Variants in FAM120B observed in about 807,000 individuals in gnomAD.
FAM120B encodes the protein family with sequence similarity 120 member B, also known as constitutive coactivator of peroxisome proliferator-activated receptor gamma.
In FAM120B, 83 loss-of-function variants were observed where a neutral mutation model predicts 96.3. The observed-to-expected ratio is 0.86, with a 90% CI of 0.72 to 1.03. The LOEUF (loss-of-function observed/expected upper bound fraction) is 1.03. Ranked by LOEUF, FAM120B falls within the 50% of genes least tolerant of loss-of-function variation. The pLI is 0.00. For synonymous variants in FAM120B, 407 were observed against 402.7 expected (o/e 1.01, Z -0.13); for missense variants, 1,027 against 1,121.2 (o/e 0.92, Z 1.20).
chr6:170,403,443 AT>A (rs1453805631), intron 9 of FAM120B, among the ~76,000 whole-genome samples: 1 of 152,118 alleles, frequency 6.6e-6, no homozygotes, highest in Non-Finnish European at 1.5e-5. Flanking sequence ...GATAGGTAAA[AT>A]TTCTTGTGTT....
In FAM120B at chr6:170,384,775, A is replaced by G. The variant is rs1790100508; in HGVS notation, c.2284-3512A>G. ...CTGCTTTTGTGTGGGTCTGTGAGCTAAGAATGCTTTTTGGAGTTTTTAAAG... is the reference window on the plus strand; with the variant it reads ...CTGCTTTTGTGTGGGTCTGTGAGCTGAGAATGCTTTTTGGAGTTTTTAAAG... On this transcript the variant is annotated intron_variant, in intron 6 of 10. Transcript: ENST00000476287. Among the ~76,000 whole-genome samples, 3 of 152,346 alleles carry G rather than the reference A, an allele frequency of 2.0e-5. 1 individual carries two copies. The highest frequency in any genetic ancestry group is 4.1e-4 in the South Asian group (2 of 4,828).
intron 6 of FAM120B, among the ~76,000 whole-genome samples, chr6:170,383,569 G>A (rs1459004722): frequency 6.6e-6 from 1 of 152,148 alleles, no homozygotes; most frequent in African/African-American, 2.4e-5. Context: ...AACCATTAGG[G>A]AAATGCAAAT....
At chr6:170,319,305 C>A (rs769414071) in intron 2 of FAM120B, among the ~76,000 whole-genome samples, 181 bp downstream of exon 2, 3 of 152,212 alleles carry the variant, frequency 2.0e-5, no homozygotes, top group Non-Finnish European at 4.4e-5. Flanking sequence ...ATGTTGGATA[C>A]TGTCACATGA....
intron 4 of FAM120B, 58 bp downstream of exon 4, chr6:170,330,608 T>A: frequency 7.9e-7 from 1 of 1,267,554 alleles, no homozygotes; most frequent in Non-Finnish European, 1.1e-6. Flanking sequence ...GATAAAAGTC[T>A]AAGAATGCAT....
rs971741670 is a variant in FAM120B at position 170,370,825 on chromosome 6, G to A, written c.2283+12507G>A. Among the ~76,000 whole-genome samples, 3 of 152,048 alleles carry A rather than the reference G, an allele frequency of 2.0e-5. No individual in the cohort carries two copies. The highest frequency in any genetic ancestry group is 7.2e-5 in the African/African-American group (3 of 41,396). Reference sequence around the variant, plus strand: ...TATTCCTATTCTTCATTATGCTGAGGTCTCAGGATGGTTGTGCGTCTCTAA... The same window carrying A: ...TATTCCTATTCTTCATTATGCTGAGATCTCAGGATGGTTGTGCGTCTCTAA... On this transcript the variant is annotated intron_variant, in intron 6 of 10. Coordinates refer to ENST00000476287, the MANE Select transcript of FAM120B (RefSeq NM_032448.3). This position sits in a 1 kb window ranked among gnomAD's most constrained non-coding sequence, Gnocchi z 4.3.
At position 170,317,564 on chromosome 6, in the gene FAM120B, G is replaced by T; in HGVS notation, c.174G>T (p.Trp58Cys). 6.2e-7 allele frequency: 1 copy of T among 1,614,204 alleles called. No homozygotes were observed. Among genetic ancestry groups the T allele is most frequent in the Non-Finnish European group, 8.5e-7 (1 of 1,180,034 alleles). Residue 58 changes from tryptophan to cysteine, a missense_variant, in exon 2 of 11, where the codon TGG becomes TGT. By Grantham distance (215) the Trp-to-Cys change is radical. This residue lies in a region of FAM120B where 880 missense variants were observed against 980.9 expected (regional missense o/e 0.90). Transcript: ENST00000476287. ...GATATTGGTATACTCCAGAATCTTG[G>T]ATCTGCGGTGGCCAGTGGCGAGAAT... The part of the protein sequence containing the change: ...CLRYWYTPES[W>C]ICGGQWREYF...
chr6:170,338,847 T>C (rs1786619973), intron 4 of FAM120B, among the ~76,000 whole-genome samples: 2 of 148,710 alleles, frequency 1.3e-5, no homozygotes, highest in Admixed American at 1.3e-4. Context: ...CAACCTGCTT[T>C]TTTTTTTTTT....
At chr6:170,372,902 TAATA>T (rs1332169917) in intron 6 of FAM120B, among the ~76,000 whole-genome samples, 3 of 152,248 alleles carry the variant, frequency 2.0e-5, no homozygotes, top group Non-Finnish European at 4.4e-5. Context: ...TTTTGTTTAC[TAATA>T]AATAACAATG....
chr6:170,402,701 T>C (rs191967440), intron 9 of FAM120B, among the ~76,000 whole-genome samples: 1 of 152,334 alleles, frequency 6.6e-6, no homozygotes, highest in East Asian at 1.9e-4. Flanking sequence ...GGTTCCCTTC[T>C]CACCACCTAC....
At chr6:170,346,401 A>G (rs1267105388) in intron 4 of FAM120B, among the ~76,000 whole-genome samples, 1 of 152,102 alleles carries the variant, frequency 6.6e-6, no homozygotes, top group Non-Finnish European at 1.5e-5. Flanking sequence ...TCTTCTTTAT[A>G]CTTTCCTGTC....
chr6:170,342,678 A>G (rs1786914464), intron 4 of FAM120B, among the ~76,000 whole-genome samples: 1 of 152,180 alleles, frequency 6.6e-6, no homozygotes, highest in Non-Finnish European at 1.5e-5. Flanking sequence ...CCTCCTGAAA[A>G]GACCCTGAGG....
intron 9 of FAM120B, among the ~76,000 whole-genome samples, chr6:170,399,200 G>A (rs1309766392): frequency 2.3e-4 from 34 of 147,066 alleles, no homozygotes; most frequent in Non-Finnish European, 6.0e-5. Context: ...ATAACTCTTA[G>A]AAGTGAGTGG....
chr6:170,297,461 T>C (rs1332513017), intron 1 of FAM120B, among the ~76,000 whole-genome samples: 1 of 152,192 alleles, frequency 6.6e-6, no homozygotes, highest in Non-Finnish European at 1.5e-5. Flanking sequence ...AGTCACTAAA[T>C]ATATTAATCT....
At chr6:170,315,181 G>T (rs1354765794) in intron 1 of FAM120B, among the ~76,000 whole-genome samples, 1 of 152,216 alleles carries the variant, frequency 6.6e-6, no homozygotes, top group South Asian at 2.1e-4. Flanking sequence ...TTCCCTCACA[G>T]CGTAGAAATC....
At chr6:170,379,704 T>G (rs904844030) in intron 6 of FAM120B, among the ~76,000 whole-genome samples, 2 of 152,250 alleles carry the variant, frequency 1.3e-5, no homozygotes, top group African/African-American at 4.8e-5. Flanking sequence ...AATTTCTTTA[T>G]AAATCCGTGT....
At chr6:170,301,049 CTGTG>C (rs1246358590) in intron 1 of FAM120B, among the ~76,000 whole-genome samples, 1 of 152,240 alleles carries the variant, frequency 6.6e-6, no homozygotes, top group Non-Finnish European at 1.5e-5. Context: ...AGTGGGGATT[CTGTG>C]TGGGGGATAT....
At chr6:170,368,524 T>G (rs1003601339) in intron 6 of FAM120B, among the ~76,000 whole-genome samples, 2 of 152,216 alleles carry the variant, frequency 1.3e-5, no homozygotes, top group African/African-American at 4.8e-5. Flanking sequence ...AAGACAACCA[T>G]GAAAATACAG....
In FAM120B at chr6:170,318,950, C is replaced by T. The variant is rs139404820; in HGVS notation, c.1560C>T (p.Asp520=). ...ICTDPISKQE[D]SMCTHAEINQ... ...CAGATCCTATATCCAAGCAAGAAGA[C>T]TCCATGTGTACACACGCTGAAATCA... Residue 520 remains aspartate (D), a synonymous_variant, in exon 2 of 11, where the codon GAC becomes GAT. Transcript: ENST00000476287. The T allele has an allele frequency of 3.0e-5, 49 of 1,614,068 alleles. No homozygotes were observed. In the African/African-American group the frequency reaches 5.7e-4, roughly 19 times the overall value.
At chr6:170,372,806 G>C (rs572115841) in intron 6 of FAM120B, among the ~76,000 whole-genome samples, 1 of 151,954 alleles carries the variant, frequency 6.6e-6, no homozygotes, top group Non-Finnish European at 1.5e-5. Context: ...AACTACAATC[G>C]GAAGACTTCT....
Sources: allele counts gnomAD v4.1 joint callset (sites outside exome capture counted in the v4.1 genomes callset), GRCh38; gene constraint gnomAD v4.1.1; regional missense constraint gnomAD v4.1.1; non-coding constraint Gnocchi (gnomAD v3.1); transcripts MANE v1.5; gene names NCBI Gene and HGNC (gene_info 2026-07-23, HGNC 2026-07-21).